Variants in PCGF3 observed in about 807,000 individuals in gnomAD.
PCGF3 encodes the protein polycomb group RING finger protein 3.
PCGF3 carries 7 observed loss-of-function variants against 33.1 expected under a neutral mutation model. The ratio of observed to expected loss-of-function variants is 0.21; its 90% CI spans 0.12 to 0.40. The LOEUF (loss-of-function observed/expected upper bound fraction) is 0.40. Among genes scored for constraint, PCGF3 ranks in the 10% least tolerant of loss-of-function variants. PCGF3 has a pLI of 1.00. For missense variants in PCGF3, 211 were observed against 313.3 expected, an observed-to-expected ratio of 0.67 and a Z score of 2.46; for synonymous variants, 153 against 121.3, an observed-to-expected ratio of 1.26 and a Z score of -1.72.
At chr4:719,001 CT>C (rs1287256045) in intron 1 of PCGF3, among the ~76,000 whole-genome samples, 2 of 152,020 alleles carry the variant, frequency 1.3e-5, no homozygotes, top group African/African-American at 4.8e-5. Context: ...GTCACCCAGA[CT>C]GGAGTGTAAT....
intron 8 of PCGF3, among the ~76,000 whole-genome samples, chr4:754,471 C>T (rs1282245644): frequency 6.6e-6 from 1 of 152,202 alleles, no homozygotes; most frequent in African/African-American, 2.4e-5. Flanking sequence ...AGAGCCCACC[C>T]ATCCAGGCCA....
chr4:744,462 T>A (rs1744226553), intron 7 of PCGF3, 138 bp from the exon 8 acceptor site: 1 of 671,950 alleles, frequency 1.5e-6, no homozygotes. Flanking sequence ...CGGCTTTCCT[T>A]TGACGCTTAC....
intron 9 of PCGF3, chr4:762,159 A>T: frequency 1.2e-6 from 1 of 859,964 alleles, no homozygotes; most frequent in Non-Finnish European, 1.4e-6. Flanking sequence ...GAGCCTGCAA[A>T]TGGGATCTTG....
intron 5 of PCGF3, 124 bp downstream of exon 5, chr4:735,151 C>A: frequency 9.5e-7 from 1 of 1,055,712 alleles, no homozygotes. Context: ...CCTCTCCTGA[C>A]CAAGGGCACC....
rs111523637 is a variant in PCGF3 at position 707,646 on chromosome 4, C to T, written c.-190+1676C>T. ...CTGGGGGTCGGGACCCTGGGACAGC[C>T]CTGTTTTCCCCTGGGGGTCGGGACC... On this transcript the variant is annotated intron_variant, in intron 1 of 10. Coordinates refer to ENST00000362003, the Ensembl canonical transcript of PCGF3. Among the ~76,000 whole-genome samples the T allele has an allele frequency of 3.0e-3, 220 of 73,612 alleles. 20 individuals are homozygous for T. The highest frequency in any genetic ancestry group is 0.01 in the Middle Eastern group (1 of 100). The allele number at this position is 73,612 out of a possible 152,430, so 48.3% of individuals were successfully genotyped here.
chr4:716,786 G>T (rs34980022), intron 1 of PCGF3, among the ~76,000 whole-genome samples: 8 of 138,218 alleles, frequency 5.8e-5, no homozygotes, highest in African/African-American at 1.7e-4. Context: ...AGAACTGGGC[G>T]TCGGTGCTGG....
At chr4:762,164 ATCT>A (rs1029949496) in intron 9 of PCGF3, 30 of 832,006 alleles carry the variant, frequency 3.6e-5, no homozygotes, top group Middle Eastern at 6.2e-4. Flanking sequence ...TGCAAATGGG[ATCT>A]TGTTTGGAAA....
At chr4:766,138 C>T (rs149492411) in exon 11 of PCGF3, 373 of 1,450,852 alleles carry the variant, frequency 2.6e-4, no homozygotes, top group African/African-American at 1.1e-3. Context: ...TCCCGGCCGC[C>T]GCGCTTAAGA....
chr4:729,258 T>C (rs1743454231), intron 1 of PCGF3, among the ~76,000 whole-genome samples: 2 of 151,158 alleles, frequency 1.3e-5, no homozygotes, highest in Admixed American at 1.3e-4. Context: ...CTACTAAAAA[T>C]ACAAAAATTA....
At chr4:725,079 G>A (rs73221113) in intron 1 of PCGF3, 4,874 of 152,520 alleles carry the variant, frequency 0.032, 132 homozygotes, top group South Asian at 0.088. Flanking sequence ...AAACTGGCCT[G>A]GTGACACCGC....
intron 3 of PCGF3, 60 bp from the exon 4 acceptor site, chr4:733,612 G>C: frequency 2.0e-6 from 3 of 1,532,184 alleles, no homozygotes; most frequent in Non-Finnish European, 2.6e-6. Flanking sequence ...TCAGAGCTCA[G>C]CCAAGGATGA....
intron 8 of PCGF3, among the ~76,000 whole-genome samples, chr4:753,176 G>C (rs539430484): frequency 6.6e-6 from 1 of 152,338 alleles, no homozygotes; most frequent in South Asian, 2.1e-4. Flanking sequence ...AGTTAGAACA[G>C]AACTTTAGAG....
chr4:713,094 T>G (rs1742643408), intron 1 of PCGF3, among the ~76,000 whole-genome samples: 1 of 140,468 alleles, frequency 7.1e-6, no homozygotes, highest in African/African-American at 2.9e-5. Flanking sequence ...GGTCCTATGT[T>G]CTTCGTGGGT....
intron 8 of PCGF3, among the ~76,000 whole-genome samples, chr4:760,398 G>T (rs1744984467): frequency 6.6e-6 from 1 of 151,134 alleles, no homozygotes; most frequent in Non-Finnish European, 1.5e-5. Context: ...ACATTAATCT[G>T]TCCTCGGCTG....
At chr4:726,016 C>A (rs927822323) in intron 1 of PCGF3, among the ~76,000 whole-genome samples, 3 of 152,158 alleles carry the variant, frequency 2.0e-5, no homozygotes, top group African/African-American at 7.2e-5. Context: ...CGGCCCCGTC[C>A]ACCGTGTGTC....
intron 1 of PCGF3, among the ~76,000 whole-genome samples, chr4:724,943 A>G (rs1463736995): frequency 1.3e-5 from 2 of 151,480 alleles, no homozygotes; most frequent in African/African-American, 4.8e-5. Flanking sequence ...GCCTGGTGAC[A>G]GAGCAAGACT....
chr4:760,667 G>T (rs1191297311), intron 8 of PCGF3, among the ~76,000 whole-genome samples: 1 of 152,210 alleles, frequency 6.6e-6, no homozygotes, highest in Non-Finnish European at 1.5e-5. Flanking sequence ...GCCCTTCCTT[G>T]TCAGGCACAT....
intron 1 of PCGF3, 23 bp downstream of exon 1, chr4:705,993 G>C (rs921195342): frequency 1.8e-4 from 27 of 152,192 alleles, no homozygotes; most frequent in African/African-American, 6.3e-4. Context: ...GCCCCGCCTG[G>C]CCTGGGCCCT....
At chr4:763,828 G>C (rs1003340924) in intron 9 of PCGF3, among the ~76,000 whole-genome samples, 1 of 152,168 alleles carries the variant, frequency 6.6e-6, no homozygotes, top group Admixed American at 6.5e-5. Context: ...TAGATAAGTG[G>C]AAAAATAAAC....
Sources: gnomAD v4.1 joint callset for allele counts (sites outside exome capture counted in the v4.1 genomes callset) on GRCh38, gnomAD v4.1.1 for gene constraint, MANE v1.5 for transcripts, NCBI Gene and HGNC (gene_info 2026-07-23, HGNC 2026-07-21) for gene names.